The following FAM168A variants were observed in gnomAD, a reference collection of about 807,000 sequenced individuals.
The protein encoded by FAM168A is protein FAM168A.
FAM168A carries 3 observed loss-of-function variants against 28.5 expected under a neutral mutation model. The observed-to-expected ratio is 0.11, with a 90% confidence interval of 0.05 to 0.27. FAM168A has a LOEUF of 0.27. Ranked by LOEUF, FAM168A falls within the 10% of genes least tolerant of loss-of-function variation. The pLI is 1.00. For synonymous variants in FAM168A, 122 were observed against 124.2 expected (o/e 0.98, Z 0.12); for missense variants, 222 against 311.5 (o/e 0.71, Z 2.16).
chr11:73,540,912 T>A (rs998637812), intron 1 of FAM168A, among the ~76,000 whole-genome samples: 1 of 152,130 alleles, frequency 6.6e-6, no homozygotes, highest in African/African-American at 2.4e-5. Context: ...ATTGAATAAA[T>A]AATTAAATTA....
chr11:73,572,057 AGCCACCCCGTCTGGGAAGTGAGGAGC>A, intron 1 of FAM168A, among the ~76,000 whole-genome samples: 1 of 145,580 alleles, frequency 6.9e-6, no homozygotes, highest in African/African-American at 2.6e-5. Flanking sequence ...TCCGCCCGGC[AGCCACCCCGTCTGGGAAGTGAGGAGC>A]CCCTCCGCCC....
chr11:73,410,333 G>A (rs570394342), intron 5 of FAM168A, among the ~76,000 whole-genome samples: 42 of 152,126 alleles, frequency 2.8e-4, no homozygotes, highest in Admixed American at 1.0e-3. Context: ...GCTTGAACCC[G>A]GGAGGCGGAG....
intron 2 of FAM168A, among the ~76,000 whole-genome samples, chr11:73,465,485 G>C (rs1343318208): frequency 8.4e-6 from 1 of 119,044 alleles, no homozygotes; most frequent in Admixed American, 8.0e-5. Context: ...AGCTTGAGCT[G>C]TCATAACAAA....
chr11:73,515,561 G>C (rs1292025544), intron 1 of FAM168A, among the ~76,000 whole-genome samples: 1 of 144,992 alleles, frequency 6.9e-6, no homozygotes, highest in Admixed American at 6.8e-5. Flanking sequence ...AATTTTAAAA[G>C]GAAAAGAAAA....
Position 73,538,806 on chromosome 11 carries a change from C to T in FAM168A, c.-19+59117G>A, listed in dbSNP as rs146360625. ...GTCATGGCTTGCCCTCTAAACAGAG[C>T]GTCCCCAAATCACCTTGTAGGAGGG... On this transcript the variant is annotated intron_variant, in intron 1 of 7. Transcript: ENST00000356467. 2.5e-4 allele frequency among the ~76,000 whole-genome samples: 38 copies of T among 152,268 alleles called. 1 individual carries two copies. The East Asian group carries it at 5.8e-3, about 23-fold the overall frequency.
intron 2 of FAM168A, among the ~76,000 whole-genome samples, chr11:73,432,441 T>TATG (rs1867011832): frequency 6.8e-6 from 1 of 147,452 alleles, no homozygotes; most frequent in Non-Finnish European, 1.5e-5. Context: ...ACCCTTGTTT[T>TATG]ATTATTATTA....
At chr11:73,569,217 T>C (rs960502691) in intron 1 of FAM168A, among the ~76,000 whole-genome samples, 2 of 152,154 alleles carry the variant, frequency 1.3e-5, no homozygotes, top group African/African-American at 2.4e-5. Context: ...AAAAATAAAC[T>C]AGCAATTTTA....
chr11:73,589,339 A>G (rs537519298), intron 1 of FAM168A, among the ~76,000 whole-genome samples: 44 of 152,314 alleles, frequency 2.9e-4, no homozygotes, highest in Non-Finnish European at 5.4e-4. Flanking sequence ...GATATGGTTC[A>G]GACTGTACAA....
chr11:73,452,899 A>G (rs1372110151), intron 2 of FAM168A, among the ~76,000 whole-genome samples: 1 of 149,150 alleles, frequency 6.7e-6, no homozygotes, highest in African/African-American at 2.5e-5. Context: ...TGCAGGTTAC[A>G]AAAAAAAAAG....
intron 1 of FAM168A, among the ~76,000 whole-genome samples, chr11:73,531,466 T>G (rs913287976): frequency 2.0e-5 from 3 of 152,204 alleles, no homozygotes; most frequent in African/African-American, 7.2e-5. Flanking sequence ...AATATAATTA[T>G]GCTAACTAAG....
At chr11:73,566,846 C>G (rs146251440) in intron 1 of FAM168A, among the ~76,000 whole-genome samples, 150 of 152,248 alleles carry the variant, frequency 9.9e-4, no homozygotes, top group African/African-American at 3.3e-3. Context: ...GAGGAGAAAA[C>G]AGTCAATTCT....
At chr11:73,426,249 T>C (rs915554589) in intron 3 of FAM168A, among the ~76,000 whole-genome samples, 3 of 152,234 alleles carry the variant, frequency 2.0e-5, no homozygotes, top group South Asian at 4.1e-4. Flanking sequence ...CAAGTCTTGA[T>C]TGGCTCCTAC....
intron 1 of FAM168A, among the ~76,000 whole-genome samples, chr11:73,540,277 TTAAACA>T (rs1565289474): frequency 1.3e-5 from 2 of 152,230 alleles, no homozygotes. Flanking sequence ...TAGGTATACA[TTAAACA>T]TGTTAATGTT....
intron 1 of FAM168A, among the ~76,000 whole-genome samples, chr11:73,495,333 T>TTAAATAAA (rs556465950): frequency 6.6e-6 from 1 of 151,730 alleles, no homozygotes; most frequent in Non-Finnish European, 1.5e-5. Context: ...CGTCTCAAAA[T>TTAAATAAA]TAAATAAATA....
intron 1 of FAM168A, among the ~76,000 whole-genome samples, chr11:73,508,553 G>C (rs906343848): frequency 6.6e-6 from 1 of 152,128 alleles, no homozygotes; most frequent in Admixed American, 6.5e-5. Context: ...GCGTGCATGC[G>C]TGGGTGCGTG....
chr11:73,507,897 G>A (rs957966484), intron 1 of FAM168A, among the ~76,000 whole-genome samples: 3 of 151,940 alleles, frequency 2.0e-5, no homozygotes, highest in African/African-American at 7.3e-5. Context: ...TGTAGATCTG[G>A]GTATTCACAG....
chr11:73,469,795 C>T (rs919629134), intron 1 of FAM168A, among the ~76,000 whole-genome samples: 1 of 152,182 alleles, frequency 6.6e-6, no homozygotes, highest in African/African-American at 2.4e-5. Flanking sequence ...AATATTCTCA[C>T]AGCCAGAGTT....
At chr11:73,486,147 A>C (rs187580950) in intron 1 of FAM168A, among the ~76,000 whole-genome samples, 6 of 152,348 alleles carry the variant, frequency 3.9e-5, no homozygotes, top group African/African-American at 1.4e-4. Context: ...GCAGTCCTGT[A>C]AGCACTGAAT....
At chr11:73,591,208 A>G (rs1455086476) in intron 1 of FAM168A, among the ~76,000 whole-genome samples, 1 of 152,194 alleles carries the variant, frequency 6.6e-6, no homozygotes, top group East Asian at 1.9e-4. Flanking sequence ...GCAGTACAAC[A>G]AAAAGAACAA....
Sources: allele counts gnomAD v4.1 joint callset (sites outside exome capture counted in the v4.1 genomes callset), GRCh38; gene constraint gnomAD v4.1.1; transcripts MANE v1.5; gene names NCBI Gene and HGNC (gene_info 2026-07-23, HGNC 2026-07-21).